MAP7: variants seen among roughly 807,000 people sequenced by gnomAD.
MAP7 encodes the protein microtubule associated protein 7.
A neutral mutation model predicts 94.8 loss-of-function variants in MAP7; 52 were observed. That is an observed-to-expected ratio of 0.55 (90% confidence interval 0.44 to 0.69). MAP7 has a LOEUF of 0.69. MAP7 is among the 30% of genes least tolerant of loss of function. The pLI, the probability that MAP7 is intolerant of heterozygous loss-of-function variation, is 0.00. For synonymous variants in MAP7, 350 were observed against 357.0 expected (o/e 0.98, Z 0.22); for missense variants, 940 against 964.6 (o/e 0.97, Z 0.34).
At chr6:136,420,082 G>T in intron 2 of MAP7, 1 of 842,804 alleles carries the variant, frequency 1.2e-6, no homozygotes, top group Non-Finnish European at 2.1e-6. Context: ...GGAGGGGTCA[G>T]TCTCCAACTT....
At chr6:136,397,468 A>C (rs1263675683) in intron 3 of MAP7, among the ~76,000 whole-genome samples, 1 of 152,190 alleles carries the variant, frequency 6.6e-6, no homozygotes, top group Non-Finnish European at 1.5e-5. Flanking sequence ...AAAATTCAGC[A>C]ACTGTTATTG....
rs568635525 is a variant in MAP7, at chr6:136,466,040, G to A, written c.68-44241C>T. 8.0e-4 allele frequency among the ~76,000 whole-genome samples: 121 copies of A among 152,174 alleles called. 1 individual carries two copies. The highest frequency in any genetic ancestry group is 9.6e-4 in the East Asian group (5 of 5,184). Reference sequence around the variant, plus strand: ...AATAAAGTGATAAAAGTTACTCCCCGAAATGTAGTCTATAAAGTTCCAATG... The same window carrying A: ...AATAAAGTGATAAAAGTTACTCCCCAAAATGTAGTCTATAAAGTTCCAATG... On this transcript the variant is annotated intron_variant, in intron 1 of 17. Transcript: ENST00000354570.
intron 1 of MAP7, among the ~76,000 whole-genome samples, chr6:136,440,938 T>G (rs1294076558): frequency 6.6e-6 from 1 of 152,110 alleles, no homozygotes; most frequent in African/African-American, 2.4e-5. Flanking sequence ...AACAACAAGA[T>G]CATGCGGCAC....
chr6:136,513,164 T>A (rs547397554), intron 1 of MAP7, among the ~76,000 whole-genome samples: 3 of 152,312 alleles, frequency 2.0e-5, no homozygotes, highest in Admixed American at 1.3e-4. Flanking sequence ...TAAAGTAAGA[T>A]AGCAATGAAA....
chr6:136,452,045 T>G (rs1005161530), intron 1 of MAP7, among the ~76,000 whole-genome samples: 2 of 151,962 alleles, frequency 1.3e-5, no homozygotes, highest in Non-Finnish European at 2.9e-5. Context: ...AATACAAAAA[T>G]TAGCCGGGCA....
chr6:136,522,151 T>C (rs1449169307), intron 1 of MAP7, among the ~76,000 whole-genome samples: 1 of 152,198 alleles, frequency 6.6e-6, no homozygotes, highest in African/African-American at 2.4e-5. Flanking sequence ...GGGCATTTAG[T>C]TACTGCAGCA....
rs80221617 is a variant in MAP7, at chr6:136,357,866, C to T, written c.1913-1072G>A. Among the ~76,000 whole-genome samples, 452 of 152,302 alleles carry T rather than the reference C, an allele frequency of 3.0e-3. 3 individuals are homozygous for T. Among genetic ancestry groups the T allele is most frequent in the African/African-American group, 0.01 (435 of 41,564 alleles). On this transcript the variant is annotated intron_variant, in intron 15 of 17. Transcript: ENST00000354570. ...TAAAGCTGCCAGAGGTACAAGAGATCTGATAACTAAGGCAGAAAGGTAAGT... is the reference window on the plus strand; with the variant it reads ...TAAAGCTGCCAGAGGTACAAGAGATTTGATAACTAAGGCAGAAAGGTAAGT...
intron 1 of MAP7, among the ~76,000 whole-genome samples, chr6:136,454,940 A>G (rs1203076210): frequency 6.6e-6 from 1 of 152,020 alleles, no homozygotes; most frequent in Non-Finnish European, 1.5e-5. Flanking sequence ...CTTTCATCCA[A>G]AGGACTACTT....
chr6:136,505,271 G>GTATATATATATATATATATATA (rs1175915341), intron 1 of MAP7, among the ~76,000 whole-genome samples: 1 of 95,470 alleles, frequency 1.0e-5, no homozygotes, highest in Non-Finnish European at 1.9e-5. Context: ...GTGTGTGTGT[G>GTATATATATATATATATATATA]TGTGTGTATA....
intron 1 of MAP7, among the ~76,000 whole-genome samples, chr6:136,510,281 T>C (rs1041226384): frequency 5.3e-5 from 8 of 152,006 alleles, no homozygotes; most frequent in Admixed American, 2.0e-4. Context: ...GGTGAGAGGA[T>C]AAGAAAGTAG....
At chr6:136,438,625 G>T (rs999115727) in intron 1 of MAP7, among the ~76,000 whole-genome samples, 3 of 152,148 alleles carry the variant, frequency 2.0e-5, no homozygotes, top group African/African-American at 2.4e-5. Context: ...TCAGCCACGC[G>T]TGGGCAAGCA....
intron 1 of MAP7, among the ~76,000 whole-genome samples, chr6:136,478,934 C>A (rs1583026933): frequency 9.2e-6 from 1 of 109,200 alleles, no homozygotes; most frequent in Non-Finnish European, 1.8e-5. Flanking sequence ...GGAGTACTTC[C>A]AAAGTCATTC....
At chr6:136,396,994 C>A (rs1782667148) in intron 3 of MAP7, among the ~76,000 whole-genome samples, 1 of 152,160 alleles carries the variant, frequency 6.6e-6, no homozygotes, top group African/African-American at 2.4e-5. Flanking sequence ...CCCAAATAAT[C>A]TTTTAAAGGA....
At chr6:136,344,267 AT>A in intron 17 of MAP7, 29 bp from the exon 18 acceptor site, 1 of 1,201,602 alleles carries the variant, frequency 8.3e-7, no homozygotes, top group Non-Finnish European at 1.1e-6. Flanking sequence ...AAAGAACAAG[AT>A]TAATATGACA....
At chr6:136,435,830 G>T (rs377630614) in intron 1 of MAP7, among the ~76,000 whole-genome samples, 24 of 152,242 alleles carry the variant, frequency 1.6e-4, no homozygotes, top group East Asian at 1.5e-3. Flanking sequence ...CAATTTGAAG[G>T]TACATCATTA....
At chr6:136,416,357 T>C (rs1306215589) in intron 2 of MAP7, among the ~76,000 whole-genome samples, 2 of 152,238 alleles carry the variant, frequency 1.3e-5, no homozygotes, top group East Asian at 1.9e-4. Context: ...TAAAAACTGA[T>C]AAAAATTTAT....
intron 3 of MAP7, among the ~76,000 whole-genome samples, chr6:136,400,484 C>G (rs1366522265): frequency 6.7e-6 from 1 of 150,146 alleles, no homozygotes; most frequent in Non-Finnish European, 1.5e-5. Context: ...TAAAATCAAG[C>G]CTATTAAGAC....
At chr6:136,536,131 T>C (rs1828867912) in intron 1 of MAP7, among the ~76,000 whole-genome samples, 1 of 152,216 alleles carries the variant, frequency 6.6e-6, no homozygotes, top group South Asian at 2.1e-4. Context: ...CTCTTAAAAT[T>C]TGTAACTGCT....
chr6:136,458,227 A>C (rs1243336036), intron 1 of MAP7, among the ~76,000 whole-genome samples: 1 of 152,204 alleles, frequency 6.6e-6, no homozygotes, highest in East Asian at 1.9e-4. Context: ...AAGGTGATGA[A>C]AGACTTGTAT....
Sources: allele counts gnomAD v4.1 joint callset (sites outside exome capture counted in the v4.1 genomes callset), GRCh38; gene constraint gnomAD v4.1.1; transcripts MANE v1.5; gene names NCBI Gene and HGNC (gene_info 2026-07-23, HGNC 2026-07-21).